Variants in RAD50 observed in about 807,000 individuals in gnomAD.
The protein encoded by RAD50 is RAD50 double strand break repair protein.
A neutral mutation model predicts 168.8 loss-of-function variants in RAD50; 132 were observed. The ratio of observed to expected loss-of-function variants is 0.78; its 90% confidence interval spans 0.68 to 0.90. The LOEUF (loss-of-function observed/expected upper bound fraction) is 0.90, where lower values mean the gene tolerates loss of function less well. RAD50 is among the 40% of genes least tolerant of loss of function. The probability of loss-of-function intolerance (pLI) is 0.00; values close to 1 mark genes in which losing one functional copy is unlikely to be tolerated. For missense variants in RAD50, 1,347 were observed against 1,534.4 expected, an observed-to-expected ratio of 0.88 and a Z score of 2.04; for synonymous variants, 525 against 497.4, an observed-to-expected ratio of 1.06 and a Z score of -0.74.
intron 21 of RAD50, among the ~76,000 whole-genome samples, chr5:132,625,424 T>TA (rs1217072404): frequency 6.6e-6 from 1 of 152,204 alleles, no homozygotes; most frequent in Non-Finnish European, 1.5e-5. Context: ...TCTTATTTTT[T>TA]ATGGCTATAT....
chr5:132,633,894 G>A (rs569876552), intron 21 of RAD50, among the ~76,000 whole-genome samples: 11 of 142,050 alleles, frequency 7.7e-5, no homozygotes, highest in Admixed American at 4.1e-4. Context: ...GTTGGATAAC[G>A]GGTAATAATT....
chr5:132,583,127 C>T lies in RAD50; in HGVS notation c.756+3061C>T, dbSNP rs1750533902. Reference sequence around the variant, plus strand: ...ATCCAGTTATATTTGTTAGACTCTACTCAAAAGGTATTTTCTGAGTACAGA... The same window carrying T: ...ATCCAGTTATATTTGTTAGACTCTATTCAAAAGGTATTTTCTGAGTACAGA... On this transcript the variant is annotated intron_variant, in intron 5 of 24. Coordinates refer to ENST00000378823, the MANE Select transcript of RAD50 (RefSeq NM_005732.4). Among the ~76,000 whole-genome samples the T allele has an allele frequency of 2.0e-5, 3 of 152,198 alleles. No homozygotes were observed. The South Asian group carries it at 6.2e-4, about 32-fold the overall frequency.
Position 132,609,220 on chromosome 5 carries a change from A to T in RAD50, c.2922+11A>T, listed in dbSNP as rs1279975546. 6.2e-7 allele frequency: 1 copy of T among 1,608,168 alleles called. No individual in the cohort carries two copies. Among genetic ancestry groups the T allele is most frequent in the South Asian group, 1.1e-5 (1 of 89,544 alleles). Reference sequence around the variant, plus strand: ...GACGACTATAAGAAGGTAATTTAAAACTTAAAATTATTTATTTGATTGTAT... The same window carrying T: ...GACGACTATAAGAAGGTAATTTAAATCTTAAAATTATTTATTTGATTGTAT... On this transcript the variant is annotated intron_variant, in intron 18 of 24. Coordinates refer to ENST00000378823, the MANE Select transcript of RAD50 (RefSeq NM_005732.4).
At chr5:132,633,579 TG>T (rs1395022207) in intron 21 of RAD50, among the ~76,000 whole-genome samples, 2 of 151,684 alleles carry the variant, frequency 1.3e-5, no homozygotes, top group African/African-American at 4.9e-5. Flanking sequence ...TTTTGTTTTT[TG>T]TTTTTTGTTT....
chr5:132,613,077 C>CT (rs1751114266), intron 19 of RAD50, among the ~76,000 whole-genome samples: 1 of 151,832 alleles, frequency 6.6e-6, no homozygotes, highest in South Asian at 2.1e-4. Context: ...ATGCCACTCT[C>CT]TCACAGGTAT....
chr5:132,625,129 C>T (rs1382292069), intron 21 of RAD50, among the ~76,000 whole-genome samples: 1 of 150,596 alleles, frequency 6.6e-6, no homozygotes, highest in Non-Finnish European at 1.5e-5. Flanking sequence ...CTCTGTCGCC[C>T]AGGCTGGAGT....
In RAD50 at chr5:132,584,259, G is replaced by C. The variant is rs546316621; in HGVS notation, c.757-3303G>C. ...TTGATTTGCATTTCTCTGATGGCCA[G>C]TGATGATGAGCATTTTTTCATGTGT... On this transcript the variant is annotated intron_variant, in intron 5 of 24. Coordinates refer to ENST00000378823, the MANE Select transcript of RAD50 (RefSeq NM_005732.4). Among the ~76,000 whole-genome samples, 226 of 152,312 alleles carry C rather than the reference G, an allele frequency of 1.5e-3. 1 individual carries two copies. The highest frequency in any genetic ancestry group is 5.3e-3 in the African/African-American group (219 of 41,556).
intron 19 of RAD50, among the ~76,000 whole-genome samples, chr5:132,612,838 T>A (rs1208704646): frequency 6.6e-5 from 10 of 151,916 alleles, no homozygotes; most frequent in African/African-American, 1.9e-4. Context: ...AAAAAATATA[T>A]ATATATATAT....
intron 10 of RAD50, 78 bp from the exon 11 acceptor site, chr5:132,591,799 G>T: frequency 4.6e-6 from 5 of 1,085,858 alleles, no homozygotes; most frequent in Non-Finnish European, 6.8e-6. Flanking sequence ...ACTTTAGTCA[G>T]TCTAGAATTT....
rs138115129 is a variant in RAD50, at chr5:132,591,892, C to G, written c.1651C>G (p.Gln551Glu). ...TTACCTATAGGCTGACAAAGATGAACAAATCAGAAAAATAAAATCTAGGCA... is the reference window on the plus strand; with the variant it reads ...TTACCTATAGGCTGACAAAGATGAAGAAATCAGAAAAATAAAATCTAGGCA... The part of the protein sequence containing the change: ...LTKDKADKDE[Q>E]IRKIKSRHSD... Residue 551 changes from glutamine to glutamate, a missense_variant, in exon 11 of 25, where the codon CAA becomes GAA. Physicochemically the swap from Gln to Glu is conservative, Grantham distance 29. Coordinates refer to ENST00000378823, the MANE Select transcript of RAD50 (RefSeq NM_005732.4). 1.9e-6 allele frequency: 3 copies of G among 1,604,684 alleles called. No individual in the cohort carries two copies. In the African/African-American group the frequency reaches 4.0e-5, roughly 22 times the overall value.
intron 2 of RAD50, among the ~76,000 whole-genome samples, chr5:132,575,468 T>C (rs1041948828): frequency 2.0e-5 from 3 of 152,194 alleles, no homozygotes; most frequent in African/African-American, 7.2e-5. Flanking sequence ...TCTACCTTTC[T>C]ATAAACTTGC....
intron 22 of RAD50, among the ~76,000 whole-genome samples, chr5:132,637,732 C>T (rs1178736437): frequency 1.3e-5 from 2 of 152,144 alleles, no homozygotes; most frequent in Non-Finnish European, 2.9e-5. Context: ...TGGGGTTTCA[C>T]CATGTTGGCC....
At position 132,598,304 on chromosome 5, in the gene RAD50, C is replaced by A. The variant is rs561056043; in HGVS notation, c.2207+2494C>A. Among the ~76,000 whole-genome samples the A allele has an allele frequency of 1.3e-4, 20 of 152,302 alleles. 1 individual carries two copies. In the South Asian group the frequency reaches 3.1e-3, roughly 24 times the overall value. ...CACCTCAGGCAATCGCCTGCCTCAG[C>A]CTCCCAAAGTGCTGGGATTACAGGC... On this transcript the variant is annotated intron_variant, in intron 13 of 24. Transcript: ENST00000378823.
intron 1 of RAD50, 99 bp downstream of exon 1, chr5:132,557,552 A>G: frequency 1.3e-6 from 2 of 1,530,664 alleles, no homozygotes; most frequent in African/African-American, 2.7e-5. Context: ...AAGCGTCCCT[A>G]GGGCTCCACA....
At position 132,590,946 on chromosome 5, in the gene RAD50, C is replaced by A. The variant is rs17166060; in HGVS notation, c.1453-278C>A. The stretch of plus-strand genomic sequence containing the variant: ...GGACTCACTAATCTGTGTACTTAGA[C>A]ACATGTCTCCTAATTTTACAGTAAT... On this transcript the variant is annotated intron_variant, in intron 9 of 24. Coordinates refer to ENST00000378823, the MANE Select transcript of RAD50 (RefSeq NM_005732.4). Among the ~76,000 whole-genome samples the A allele has an allele frequency of 0.041, 6,212 of 152,278 alleles. 361 individuals carry two copies. Among genetic ancestry groups the A allele is most frequent in the African/African-American group, 0.13 (5,581 of 41,542 alleles).
In RAD50 at chr5:132,618,277, T is replaced by TTA; in HGVS notation, c.3375_3376dup (p.Lys1126IlefsTer8). Reference sequence around the variant, plus strand: ...TTGTGAACAAGGATCTGGATATTTATTATAAGACTCTTGACCAGTAAGTAT... The same window carrying TTA: ...TTGTGAACAAGGATCTGGATATTTATTATATAAGACTCTTGACCAGTAAGTAT... On this transcript the variant is annotated frameshift_variant, in exon 21 of 25. Transcript: ENST00000378823. LOFTEE classifies it high-confidence loss of function. The TTA allele has an allele frequency of 1.9e-6, 3 of 1,614,038 alleles. No homozygotes were observed. Among genetic ancestry groups the TTA allele is most frequent in the Non-Finnish European group, 2.5e-6 (3 of 1,179,962 alleles).
intron 2 of RAD50, among the ~76,000 whole-genome samples, chr5:132,562,847 G>C (rs1318106812): frequency 6.6e-6 from 1 of 152,196 alleles, no homozygotes; most frequent in Non-Finnish European, 1.5e-5. Flanking sequence ...TAGAAATTGG[G>C]AAGAGGAGGA....
chr5:132,594,635 G>A (rs1301278247), intron 11 of RAD50, among the ~76,000 whole-genome samples: 1 of 152,170 alleles, frequency 6.6e-6, no homozygotes, highest in Non-Finnish European at 1.5e-5. Context: ...GCAGAATTCT[G>A]TGTACATTTT....
At chr5:132,619,403 C>T (rs1751234236) in intron 21 of RAD50, among the ~76,000 whole-genome samples, 1 of 148,738 alleles carries the variant, frequency 6.7e-6, no homozygotes, top group African/African-American at 2.4e-5. Flanking sequence ...TTAGTCTTGT[C>T]TTTTTGTGTG....
Sources: gnomAD v4.1 joint callset for allele counts (sites outside exome capture counted in the v4.1 genomes callset) on GRCh38, gnomAD v4.1.1 for gene constraint, MANE v1.5 for transcripts, NCBI Gene and HGNC (gene_info 2026-07-23, HGNC 2026-07-21) for gene names.